The following DLEC1 variants were observed in gnomAD, a reference collection of about 807,000 sequenced individuals.
DLEC1 encodes DLEC1 cilia and flagella associated protein.
DLEC1 carries 146 observed loss-of-function variants against 198.1 expected under a neutral mutation model. The ratio of observed to expected loss-of-function variants is 0.74; its 90% CI spans 0.64 to 0.85. The LOEUF (loss-of-function observed/expected upper bound fraction) is 0.85. Among genes scored for constraint, DLEC1 ranks in the 40% least tolerant of loss-of-function variants. The pLI is 0.00. For missense variants in DLEC1, 2,233 were observed against 2,220.0 expected, an observed-to-expected ratio of 1.01 and a Z score of -0.12; for synonymous variants, 897 against 866.8, an observed-to-expected ratio of 1.03 and a Z score of -0.61.
At position 38,059,822 on chromosome 3, in the gene DLEC1, G is replaced by T. The variant is rs149190717; in HGVS notation, c.643G>T (p.Asp215Tyr). Residue 215 changes from aspartate (D) to tyrosine (Y), a missense_variant, in exon 3 of 37, where the codon GAT (aspartate) becomes TAT (tyrosine). Coordinates refer to ENST00000308059, the MANE Select transcript of DLEC1 (RefSeq NM_007335.4). The stretch of plus-strand genomic sequence containing the variant: ...GATCTCCCCAGAAGATTACTACACC[G>T]ATACAGTGCCGTTTCACTCTGCACC... ...HLISPEDYYT[D>Y]TVPFHSAPKG... The T allele has an allele frequency of 6.2e-7, 1 of 1,614,148 alleles. No homozygotes were observed. Among genetic ancestry groups the T allele is most frequent in the Non-Finnish European group, 8.5e-7 (1 of 1,180,028 alleles).
chr3:38,117,192 G>T lies in DLEC1; in HGVS notation c.4306-16G>T, dbSNP rs769073961. The T allele has an allele frequency of 3.1e-6, 5 of 1,614,172 alleles. No homozygotes were observed. The highest frequency in any genetic ancestry group is 1.3e-5 in the African/African-American group (1 of 75,054). ...TCAGCCCAGGGATCAGCTGTGATCA[G>T]ACTTGGGCTCAGTAGGTGGAAAGGG... On this transcript the variant is annotated splice_polypyrimidine_tract_variant and intron_variant, in intron 30 of 36. Coordinates refer to ENST00000308059, the MANE Select transcript of DLEC1 (RefSeq NM_007335.4).
chr3:38,078,689 G>C lies in DLEC1; in HGVS notation c.1174-5469G>C, dbSNP rs9862674. On this transcript the variant is annotated intron_variant, in intron 6 of 36. Coordinates refer to ENST00000308059, the MANE Select transcript of DLEC1 (RefSeq NM_007335.4). ...ATTTGCTGAGCCTAATGGGTGTCAG[G>C]GTCAGTCTAAGTGAAAGCAAAGAGA... Among the ~76,000 whole-genome samples, 1,147 of 152,306 alleles carry C rather than the reference G, an allele frequency of 7.5e-3. 14 individuals are homozygous for C. Among genetic ancestry groups the C allele is most frequent in the African/African-American group, 0.026 (1,060 of 41,560 alleles).
intron 19 of DLEC1, among the ~76,000 whole-genome samples, chr3:38,106,136 G>T (rs752285094): frequency 1.3e-5 from 2 of 152,100 alleles, no homozygotes; most frequent in Non-Finnish European, 2.9e-5. Context: ...GGTTTATCAA[G>T]ACAGTTTTAC....
chr3:38,052,344 C>T, intron 2 of DLEC1: 1 of 349,562 alleles, frequency 2.9e-6, no homozygotes, highest in African/African-American at 2.1e-5. Context: ...TCTGCTTTCT[C>T]TATGAGAATG....
chr3:38,094,805 G>T lies in DLEC1; in HGVS notation c.1920-74G>T, dbSNP rs1347109439. The T allele has an allele frequency of 5.2e-6, 8 of 1,543,886 alleles. No individual in the cohort carries two copies. The East Asian group carries it at 1.8e-4, about 35-fold the overall frequency. On this transcript the variant is annotated intron_variant, in intron 12 of 36. Transcript: ENST00000308059. ...CTTTCCTGCTCCCTCTTGGAGCAGG[G>T]CAGGGAGGCATGGGGTGGAGGGACC...
At chr3:38,101,284 G>A (rs533996615) in intron 19 of DLEC1, among the ~76,000 whole-genome samples, 3 of 152,084 alleles carry the variant, frequency 2.0e-5, no homozygotes, top group African/African-American at 4.8e-5. Context: ...GTGAAACCCC[G>A]TCTTTACTAA....
At chr3:38,052,880 A>C (rs1701194878) in intron 2 of DLEC1, among the ~76,000 whole-genome samples, 1 of 151,978 alleles carries the variant, frequency 6.6e-6, no homozygotes, top group African/African-American at 2.4e-5. Flanking sequence ...GGCTCACTGC[A>C]ACCTCCCTGC....
chr3:38,092,917 A>T (rs1559439154), intron 11 of DLEC1, 37 bp downstream of exon 11: 3 of 1,597,464 alleles, frequency 1.9e-6, no homozygotes, highest in African/African-American at 2.7e-5. Context: ...AAGGCTGGAG[A>T]GGCTGCCCCA....
chr3:38,102,673 G>A (rs1313743389), intron 19 of DLEC1, among the ~76,000 whole-genome samples: 1 of 152,158 alleles, frequency 6.6e-6, no homozygotes, highest in African/African-American at 2.4e-5. Flanking sequence ...TCTAAGGGAT[G>A]AAGTACATGT....
chr3:38,076,878 G>A (rs989888842), intron 6 of DLEC1, among the ~76,000 whole-genome samples: 18 of 152,336 alleles, frequency 1.2e-4, no homozygotes, highest in Non-Finnish European at 1.8e-4. Context: ...TAGGGGCAGC[G>A]TGGGAACCTA....
rs769909221 is a variant in DLEC1 at position 38,116,689 on chromosome 3, G to C, written c.4062+31G>C. 15 of 1,610,564 alleles carry C rather than the reference G, an allele frequency of 9.3e-6. No individual in the cohort carries two copies. In the African/African-American group the frequency reaches 2.0e-4, roughly 22 times the overall value. On this transcript the variant is annotated intron_variant, in intron 28 of 36. Coordinates refer to ENST00000308059, the MANE Select transcript of DLEC1 (RefSeq NM_007335.4). ...CAGGGGTGGAGGGGCGGGGCAGGCTGGCCACTGAGGGCCACTGAGGTGTGG... is the reference window on the plus strand; with the variant it reads ...CAGGGGTGGAGGGGCGGGGCAGGCTCGCCACTGAGGGCCACTGAGGTGTGG...
chr3:38,060,815 C>G (rs1696641226), intron 3 of DLEC1, among the ~76,000 whole-genome samples: 1 of 152,122 alleles, frequency 6.6e-6, no homozygotes, highest in African/African-American at 2.4e-5. Context: ...CTTCCTCAGC[C>G]TCCCAAGTAG....
intron 1 of DLEC1, among the ~76,000 whole-genome samples, chr3:38,042,949 T>G (rs1335737374): frequency 6.6e-6 from 1 of 152,212 alleles, no homozygotes; most frequent in Non-Finnish European, 1.5e-5. Context: ...GTCACTGCCA[T>G]GTGACCATCT....
chr3:38,056,107 ACACAC>A (rs1696355886), intron 2 of DLEC1, among the ~76,000 whole-genome samples: 1 of 139,128 alleles, frequency 7.2e-6, no homozygotes, highest in African/African-American at 3.0e-5. Flanking sequence ...ACACACACAC[ACACAC>A]ACACAAATAG....
At chr3:38,119,819 C>T (rs1359184968) in intron 33 of DLEC1, among the ~76,000 whole-genome samples, 1 of 152,198 alleles carries the variant, frequency 6.6e-6, no homozygotes, top group Non-Finnish European at 1.5e-5. Flanking sequence ...CAGATGTAAG[C>T]CACTGCTCCC....
At position 38,085,337 on chromosome 3, in the gene DLEC1, T is replaced by A. The variant is rs763876085; in HGVS notation, c.1325T>A (p.Phe442Tyr). 1.9e-6 allele frequency: 3 copies of A among 1,614,094 alleles called. No individual in the cohort carries two copies. The change falls in exon 8 of 37, where the codon TTT becomes TAT. Residue 442 changes from phenylalanine to tyrosine, a missense_variant. Coordinates refer to ENST00000308059, the MANE Select transcript of DLEC1 (RefSeq NM_007335.4). ...PGMTCQYIVQFFPDCLGDFDD... is the reference protein window; with the variant it reads ...PGMTCQYIVQYFPDCLGDFDD... ...ATGACCTGCCAGTACATTGTCCAGT[T>A]TTTTCCCGACTGCCTTGGGGATTTT...
At chr3:38,077,450 G>T (rs1023820786) in intron 6 of DLEC1, among the ~76,000 whole-genome samples, 1 of 152,190 alleles carries the variant, frequency 6.6e-6, no homozygotes, top group Non-Finnish European at 1.5e-5. Flanking sequence ...TGAAAGTATT[G>T]TCCAGTCCTT....
chr3:38,117,695 T>C (rs1040957432), intron 32 of DLEC1, 84 bp downstream of exon 32: 7 of 1,602,062 alleles, frequency 4.4e-6, no homozygotes, highest in Admixed American at 3.3e-5. Context: ...TCAGGCCTTA[T>C]AGTCTGAGCC....
At chr3:38,089,136 C>G (rs1268483636) in intron 10 of DLEC1, among the ~76,000 whole-genome samples, 2 of 152,244 alleles carry the variant, frequency 1.3e-5, no homozygotes, top group African/African-American at 4.8e-5. Flanking sequence ...CAAAAACCGT[C>G]TGGCTTCTGG....
Sources: gnomAD v4.1 joint callset for allele counts (sites outside exome capture counted in the v4.1 genomes callset) on GRCh38, gnomAD v4.1.1 for gene constraint, MANE v1.5 for transcripts, NCBI Gene and HGNC (gene_info 2026-07-23, HGNC 2026-07-21) for gene names.